CSMD1: variants seen among roughly 807,000 people sequenced by gnomAD.
CSMD1 encodes CUB and Sushi multiple domains 1.
Under a neutral mutation model 417.5 loss-of-function variants are expected in CSMD1, and 213 were observed. That is an observed-to-expected ratio of 0.51 (90% CI 0.46 to 0.57). The LOEUF is 0.57. CSMD1 is among the 20% of genes least tolerant of loss of function. The probability of loss-of-function intolerance (pLI) is 0.00; values close to 1 mark genes in which losing one functional copy is unlikely to be tolerated. For synonymous variants in CSMD1, 2,862 were observed against 1,736.8 expected, an observed-to-expected ratio of 1.65 and a Z score of -16.11; for missense variants, 6,923 against 4,529.7, an observed-to-expected ratio of 1.53 and a Z score of -15.17.
chr8:4,011,719 G>T (rs925128063), intron 4 of CSMD1, among the ~76,000 whole-genome samples: 7 of 152,026 alleles, frequency 4.6e-5, no homozygotes, highest in Non-Finnish European at 8.8e-5. Context: ...AAAATAGTAC[G>T]GAGTTATCAG....
In CSMD1 at chr8:4,305,408, G is replaced by T. The variant is rs1798192461; in HGVS notation, c.415+114545C>A. ...AAGAGATTTGCTGAGGGTTCCATCA[G>T]CTTAAGTGAAAGGGATAATCGACTA... On this transcript the variant is annotated intron_variant, in intron 3 of 69. Coordinates refer to ENST00000635120, the MANE Select transcript of CSMD1 (RefSeq NM_033225.6). Among the ~76,000 whole-genome samples, 3 of 152,136 alleles carry T rather than the reference G, an allele frequency of 2.0e-5. No individual in the cohort carries two copies. The South Asian group carries it at 6.2e-4, about 31-fold the overall frequency.
rs1004475964 is a variant in CSMD1, at chr8:4,637,476, G to C, written c.168C>G (p.Ala56=). The C allele has an allele frequency of 6.2e-7, 1 of 1,613,786 alleles. No homozygotes were observed. The highest frequency in any genetic ancestry group is 8.5e-7 in the Non-Finnish European group (1 of 1,179,850). Residue 56 remains alanine, a synonymous_variant, in exon 2 of 70, where the codon GCC becomes GCG. Coordinates refer to ENST00000635120, the MANE Select transcript of CSMD1 (RefSeq NM_033225.6). ...CCGTGATGATGATCCAGGTGCAGTT[G>C]GCATAGTTCGGATACCCGTGAGGAA... is the stretch of plus-strand genomic sequence containing the variant. ...PGFPHGYPNY[A]NCTWIIITGE... is the part of the protein sequence containing the mutation.
chr8:3,568,720 T>C (rs1342109073), intron 10 of CSMD1, among the ~76,000 whole-genome samples: 1 of 152,054 alleles, frequency 6.6e-6, no homozygotes, highest in African/African-American at 2.4e-5. Context: ...TGTTTATCTA[T>C]GCATATATAT....
At chr8:3,686,955 A>C (rs1799973225) in intron 7 of CSMD1, among the ~76,000 whole-genome samples, 1 of 152,306 alleles carries the variant, frequency 6.6e-6, no homozygotes, top group East Asian at 1.9e-4. Context: ...TGTCTTTTCC[A>C]TATCCACATA....
intron 5 of CSMD1, among the ~76,000 whole-genome samples, chr8:3,767,254 T>C (rs1007818936): frequency 6.6e-6 from 1 of 152,344 alleles, no homozygotes. Flanking sequence ...GGCTCTTTTA[T>C]GAAAACCAGC....
intron 6 of CSMD1, among the ~76,000 whole-genome samples, chr8:3,736,213 C>A (rs889378930): frequency 6.6e-6 from 1 of 152,154 alleles, no homozygotes; most frequent in Non-Finnish European, 1.5e-5. Context: ...GATTCTCACT[C>A]AACATTTGTG....
At chr8:4,006,629 G>T (rs1175129608) in intron 4 of CSMD1, among the ~76,000 whole-genome samples, 1 of 152,110 alleles carries the variant, frequency 6.6e-6, no homozygotes. Flanking sequence ...AAATCCATAG[G>T]TAAGCAAGAG....
intron 6 of CSMD1, among the ~76,000 whole-genome samples, chr8:3,718,932 T>C (rs1801988036): frequency 6.6e-6 from 1 of 151,914 alleles, no homozygotes; most frequent in Non-Finnish European, 1.5e-5. Flanking sequence ...ACCTTTTCCC[T>C]CCAAACAGAG....
intron 3 of CSMD1, among the ~76,000 whole-genome samples, chr8:4,159,130 G>C (rs930149226): frequency 6.6e-6 from 1 of 152,018 alleles, no homozygotes. Flanking sequence ...TTGGCAGGCT[G>C]GTCTTGAACT....
chr8:3,863,577 A>G (rs1476469537), intron 5 of CSMD1, among the ~76,000 whole-genome samples: 3 of 152,108 alleles, frequency 2.0e-5, no homozygotes, highest in African/African-American at 7.2e-5. Context: ...TTACAAAAAT[A>G]TAATCTAAGC....
intron 6 of CSMD1, among the ~76,000 whole-genome samples, chr8:3,751,545 G>A (rs147266951): frequency 0.016 from 2,344 of 149,814 alleles, 28 homozygotes; most frequent in Middle Eastern, 0.029. Flanking sequence ...CAAGAATGAA[G>A]TGTGTATAAC....
At chr8:4,286,489 C>G (rs775464936) in intron 3 of CSMD1, among the ~76,000 whole-genome samples, 1 of 151,922 alleles carries the variant, frequency 6.6e-6, no homozygotes, top group South Asian at 2.1e-4. Flanking sequence ...TTTAATAAGA[C>G]GGTTGTGGCA....
chr8:4,686,462 G>A (rs1451443943), intron 1 of CSMD1, among the ~76,000 whole-genome samples: 1 of 152,152 alleles, frequency 6.6e-6, no homozygotes, highest in African/African-American at 2.4e-5. Flanking sequence ...GTGCGAGAGG[G>A]GGCCTCCCCA....
At chr8:4,452,838 T>A (rs777311945) in intron 2 of CSMD1, among the ~76,000 whole-genome samples, 3 of 152,048 alleles carry the variant, frequency 2.0e-5, no homozygotes, top group South Asian at 2.1e-4. Flanking sequence ...TGAAAAAAAC[T>A]AAAGGCAAAA....
At chr8:3,886,050 CATTT>C (rs1174038020) in intron 5 of CSMD1, among the ~76,000 whole-genome samples, 2 of 151,578 alleles carry the variant, frequency 1.3e-5, no homozygotes, top group East Asian at 1.9e-4. Context: ...TATACAGACA[CATTT>C]ATTATTATTT....
intron 10 of CSMD1, among the ~76,000 whole-genome samples, chr8:3,539,229 G>A (rs761581280): frequency 3.3e-5 from 5 of 152,132 alleles, no homozygotes; most frequent in Admixed American, 6.6e-5. Flanking sequence ...TGCCTCATGT[G>A]TATCATTAAT....
intron 1 of CSMD1, among the ~76,000 whole-genome samples, chr8:4,852,993 AC>A (rs1801573589): frequency 6.6e-6 from 1 of 152,208 alleles, no homozygotes; most frequent in Admixed American, 6.5e-5. Context: ...ATAACAGTCT[AC>A]ACTCAGATGC....
Position 3,708,040 on chromosome 8 carries a change from G to C in CSMD1, c.1009+374C>G, listed in dbSNP as rs550092112. On this transcript the variant is annotated intron_variant, in intron 7 of 69. Transcript: ENST00000635120. ...GTCAATAATATTTCAATAGACAAAAGACAAAAACCAACTTCTCCTTTGCAG... is the reference window on the plus strand; with the variant it reads ...GTCAATAATATTTCAATAGACAAAACACAAAAACCAACTTCTCCTTTGCAG... 2.6e-5 allele frequency among the ~76,000 whole-genome samples: 4 copies of C among 152,300 alleles called. No homozygotes were observed. The South Asian group carries it at 6.2e-4, about 24-fold the overall frequency.
chr8:3,336,066 G>C (rs1189345714), intron 23 of CSMD1, among the ~76,000 whole-genome samples: 2 of 152,192 alleles, frequency 1.3e-5, no homozygotes, highest in East Asian at 1.9e-4. Context: ...AGTGCTTTGA[G>C]TAACTGAAGT....
Sources: gnomAD v4.1 joint callset for allele counts (sites outside exome capture counted in the v4.1 genomes callset) on GRCh38, gnomAD v4.1.1 for gene constraint, MANE v1.5 for transcripts, NCBI Gene and HGNC (gene_info 2026-07-23, HGNC 2026-07-21) for gene names.